NBAS: variants seen among roughly 807,000 people sequenced by gnomAD.
The protein encoded by NBAS is NBAS subunit of NRZ tethering complex.
In NBAS, 219 loss-of-function variants were observed where a neutral mutation model predicts 302.5. The observed-to-expected ratio is 0.72, with a 90% CI of 0.65 to 0.81. The LOEUF is 0.81. Ranked by LOEUF, NBAS falls within the 30% of genes least tolerant of loss-of-function variation. The pLI, the probability that NBAS is intolerant of heterozygous loss-of-function variation, is 0.00. For synonymous variants in NBAS, 1,118 were observed against 1,021.6 expected (o/e 1.09, Z -1.80); for missense variants, 2,932 against 2,841.6 (o/e 1.03, Z -0.72).
At chr2:14,811,663 A>G in the NBAS span, among the ~76,000 whole-genome samples, 4 of 152,312 alleles carry the variant, frequency 2.6e-5, no homozygotes, top group East Asian at 3.9e-4. Context: ...TGTTTAAAAT[A>G]TATGGGAAAA....
chr2:14,845,261 C>T, the NBAS span, among the ~76,000 whole-genome samples: 522 of 152,322 alleles, frequency 3.4e-3, 3 homozygotes, highest in African/African-American at 0.012. Context: ...AGAGTCTCTG[C>T]CTGGTAATCA....
chr2:14,883,081 C>T, the NBAS span, among the ~76,000 whole-genome samples: 6 of 152,272 alleles, frequency 3.9e-5, no homozygotes, highest in South Asian at 4.1e-4. Flanking sequence ...GCGTGAAATA[C>T]GTCAACTTAA....
At chr2:14,911,465 C>A in the NBAS span, among the ~76,000 whole-genome samples, 3 of 152,156 alleles carry the variant, frequency 2.0e-5, no homozygotes, top group Non-Finnish European at 2.9e-5. Context: ...AGAAGTGACT[C>A]TCTGAGAGAG....
intron 12 of NBAS, among the ~76,000 whole-genome samples, chr2:15,484,630 A>G (rs1281537302): frequency 6.6e-6 from 1 of 152,160 alleles, no homozygotes; most frequent in Non-Finnish European, 1.5e-5. Context: ...CACAAATACT[A>G]TTTATTTCCA....
At chr2:15,443,311 A>C (rs1678540730) in intron 21 of NBAS, among the ~76,000 whole-genome samples, 1 of 150,590 alleles carries the variant, frequency 6.6e-6, no homozygotes, top group African/African-American at 2.4e-5. Flanking sequence ...ACCATGATCA[A>C]GTGGGCTTCA....
the NBAS span, among the ~76,000 whole-genome samples, chr2:15,145,807 A>C: frequency 6.6e-6 from 1 of 152,130 alleles, no homozygotes; most frequent in Non-Finnish European, 1.5e-5. Flanking sequence ...CTACTGGATC[A>C]GAAATTCTGG....
intron 31 of NBAS, among the ~76,000 whole-genome samples, chr2:15,371,126 A>G (rs1004831393): frequency 3.9e-5 from 6 of 152,116 alleles, no homozygotes; most frequent in Non-Finnish European, 8.8e-5. Context: ...AGTTCTCACT[A>G]GGACTGATGG....
the NBAS span, among the ~76,000 whole-genome samples, chr2:15,132,001 C>T: frequency 2.0e-5 from 3 of 152,194 alleles, no homozygotes; most frequent in Admixed American, 6.5e-5. Flanking sequence ...CTAGGCCCCA[C>T]CTTCAACATC....
the NBAS span, among the ~76,000 whole-genome samples, chr2:15,144,046 A>ATATATATATATATATATAT: frequency 2.0e-4 from 21 of 104,540 alleles, no homozygotes; most frequent in African/African-American, 5.7e-4. Context: ...CCTATATATA[A>ATATATATATATATATATAT]AAATATATAT....
At chr2:14,947,924 T>C in the NBAS span, among the ~76,000 whole-genome samples, 28 of 152,214 alleles carry the variant, frequency 1.8e-4, no homozygotes, top group Admixed American at 1.6e-3. Context: ...ATCATTATTA[T>C]TGATTTGCAT....
intron 38 of NBAS, among the ~76,000 whole-genome samples, chr2:15,319,406 A>C (rs939396597): frequency 2.6e-5 from 4 of 152,074 alleles, no homozygotes; most frequent in Admixed American, 6.6e-5. Flanking sequence ...TCAGAGCAGA[A>C]CTGAAGGAGA....
At chr2:15,424,715 G>A (rs898933129) in intron 22 of NBAS, among the ~76,000 whole-genome samples, 4 of 151,988 alleles carry the variant, frequency 2.6e-5, no homozygotes, top group East Asian at 1.9e-4. Flanking sequence ...ACATCAAAAC[G>A]GCTATGCCAC....
intron 14 of NBAS, among the ~76,000 whole-genome samples, chr2:15,474,809 C>T (rs1225575572): frequency 6.6e-6 from 1 of 152,148 alleles, no homozygotes; most frequent in Non-Finnish European, 1.5e-5. Context: ...GATCCACCCG[C>T]CTTGGCCTCC....
At chr2:14,856,083 A>G in the NBAS span, among the ~76,000 whole-genome samples, 2 of 152,002 alleles carry the variant, frequency 1.3e-5, no homozygotes, top group Non-Finnish European at 2.9e-5. Flanking sequence ...GAGAGAGAGA[A>G]AGAGAGAGAG....
At chr2:15,508,523 C>G (rs1417131544) in intron 10 of NBAS, among the ~76,000 whole-genome samples, 5 of 152,124 alleles carry the variant, frequency 3.3e-5, no homozygotes, top group Non-Finnish European at 7.4e-5. Context: ...TTCCTCAACC[C>G]TATTTTGACA....
intron 36 of NBAS, among the ~76,000 whole-genome samples, chr2:15,329,630 C>T (rs1341449150): frequency 6.6e-6 from 1 of 152,150 alleles, no homozygotes; most frequent in African/African-American, 2.4e-5. Context: ...GCCTCCCCAC[C>T]ACCTTCTGAT....
At chr2:15,511,712 T>C (rs1241163984) in intron 9 of NBAS, among the ~76,000 whole-genome samples, 1 of 152,182 alleles carries the variant, frequency 6.6e-6, no homozygotes, top group Non-Finnish European at 1.5e-5. Flanking sequence ...ATTATGGCAA[T>C]GTATCTGATG....
chr2:15,308,413 A>C, intron 39 of NBAS, 60 bp from the exon 40 acceptor site: 1 of 1,577,684 alleles, frequency 6.3e-7, no homozygotes, highest in East Asian at 2.3e-5. Context: ...ATCATTATAA[A>C]CCATTATATT....
intron 41 of NBAS, among the ~76,000 whole-genome samples, chr2:15,289,244 A>G (rs1169769069): frequency 6.6e-6 from 1 of 152,050 alleles, no homozygotes; most frequent in Non-Finnish European, 1.5e-5. Flanking sequence ...AAACACTGCC[A>G]CACCTAGTTT....
Sources: gnomAD v4.1 joint callset for allele counts (sites outside exome capture counted in the v4.1 genomes callset) on GRCh38, gnomAD v4.1.1 for gene constraint, MANE v1.5 for transcripts, NCBI Gene and HGNC (gene_info 2026-07-23, HGNC 2026-07-21) for gene names.